The following CMTM4 variants were observed in gnomAD, a reference collection of about 807,000 sequenced individuals.
CMTM4 encodes CKLF-like MARVEL transmembrane domain-containing protein 4.
CMTM4 carries 8 observed loss-of-function variants against 19.0 expected under a neutral mutation model. The ratio of observed to expected loss-of-function variants is 0.42; its 90% CI spans 0.25 to 0.76. The LOEUF is 0.76. CMTM4 is among the 30% of genes least tolerant of loss of function. CMTM4 has a pLI of 0.27. For missense variants in CMTM4, 228 were observed against 290.2 expected (o/e 0.79, Z 1.56); for synonymous variants, 106 against 121.1 (o/e 0.88, Z 0.82).
At chr16:66,638,130 C>A (rs944304353) in intron 1 of CMTM4, among the ~76,000 whole-genome samples, 1 of 152,200 alleles carries the variant, frequency 6.6e-6, no homozygotes, top group African/African-American at 2.4e-5. Flanking sequence ...GCTTATCCCA[C>A]CCTCTCCCAG....
chr16:66,619,984 C>A lies in CMTM4; in HGVS notation c.*2074G>T, dbSNP rs1432473840. 6 of 985,420 alleles carry A rather than the reference C, an allele frequency of 6.1e-6. No individual in the cohort carries two copies. Among genetic ancestry groups the A allele is most frequent in the Non-Finnish European group, 7.2e-6 (6 of 829,938 alleles). The allele number at this position is 985,420 out of a possible 1,614,324, so 61.0% of individuals were successfully genotyped here. A position where few individuals can be genotyped will look rare whatever the true frequency, so the allele number is the denominator to read the frequency against. Reference sequence around the variant, plus strand: ...GACAACATATCCTCAGGAGGCCAACCACCTGCCCCCCTCTTTCACCAGATG... The same window carrying A: ...GACAACATATCCTCAGGAGGCCAACAACCTGCCCCCCTCTTTCACCAGATG... On this transcript the variant is annotated 3_prime_UTR_variant, in exon 4 of 4. Transcript: ENST00000394106.
At chr16:66,668,065 G>A (rs775113216) in intron 1 of CMTM4, among the ~76,000 whole-genome samples, 2 of 151,918 alleles carry the variant, frequency 1.3e-5, no homozygotes, top group Non-Finnish European at 2.9e-5. Context: ...TACAGTGGCA[G>A]AATTATTGCT....
At chr16:66,673,889 G>T (rs955760961) in intron 1 of CMTM4, among the ~76,000 whole-genome samples, 2 of 152,192 alleles carry the variant, frequency 1.3e-5, no homozygotes, top group African/African-American at 4.8e-5. Context: ...CCAGTCCTTG[G>T]TTATCTGAGA....
chr16:66,621,194 C>T lies in CMTM4; in HGVS notation c.*864G>A. On this transcript the variant is annotated 3_prime_UTR_variant, in exon 4 of 4. Transcript: ENST00000394106. ...CACGCGTGTGCATGCTGTTTTTTAA[C>T]ACAAACACCTCCCACCTGCGGTTCA... The T allele has an allele frequency of 1.0e-6, 1 of 984,784 alleles. No individual in the cohort carries two copies. The highest frequency in any genetic ancestry group is 4.7e-5 in the South Asian group (1 of 21,152). The allele number at this position is 984,784 out of a possible 1,614,324, so 61.0% of individuals were successfully genotyped here. A position where few individuals can be genotyped will look rare whatever the true frequency, so the allele number is the denominator to read the frequency against.
chr16:66,609,747 C>T, the CMTM4 span: 33 of 1,580,806 alleles, frequency 2.1e-5, no homozygotes, highest in South Asian at 3.4e-5. The surrounding 1 kb of genome is among the most constrained non-coding windows in gnomAD (Gnocchi z 4.4). Context: ...TTCCCACTTC[C>T]GTTACTCACA....
chr16:66,623,347 G>T, intron 3 of CMTM4, 57 bp downstream of exon 3: 2 of 1,286,520 alleles, frequency 1.6e-6, no homozygotes, highest in South Asian at 2.5e-5. Context: ...AGGGACAGGC[G>T]AGCAGGTCAC....
At chr16:66,604,784 C>G in the CMTM4 span, 3 of 1,242,892 alleles carry the variant, frequency 2.4e-6, no homozygotes, top group Non-Finnish European at 3.0e-6. Context: ...GGCCGAGCCC[C>G]GGCCCTACCG....
chr16:66,651,696 ACT>A (rs1448451791), intron 1 of CMTM4, among the ~76,000 whole-genome samples: 1 of 152,140 alleles, frequency 6.6e-6, no homozygotes, highest in Non-Finnish European at 1.5e-5. Flanking sequence ...CAGTGCTGAG[ACT>A]CTGACAAAGC....
chr16:66,690,780 G>T (rs2017120133), intron 1 of CMTM4, among the ~76,000 whole-genome samples: 1 of 152,140 alleles, frequency 6.6e-6, no homozygotes. Flanking sequence ...GAGATTAAGA[G>T]ACATCAAAAT....
intron 1 of CMTM4, among the ~76,000 whole-genome samples, chr16:66,648,660 A>G (rs553563971): frequency 6.7e-6 from 1 of 149,870 alleles, no homozygotes; most frequent in South Asian, 2.1e-4. Flanking sequence ...CTCCGTCTCA[A>G]AAAAAAAAAG....
At chr16:66,656,228 T>C (rs1442538661) in intron 1 of CMTM4, among the ~76,000 whole-genome samples, 1 of 152,310 alleles carries the variant, frequency 6.6e-6, no homozygotes, top group Non-Finnish European at 1.5e-5. Context: ...TTTCCTACAG[T>C]TGAAAATCCA....
intron 2 of CMTM4, among the ~76,000 whole-genome samples, chr16:66,624,811 A>C (rs1217234475): frequency 6.6e-6 from 1 of 152,212 alleles, no homozygotes; most frequent in Non-Finnish European, 1.5e-5. Context: ...TGCTGGCATC[A>C]TAACAGTGCT....
intron 1 of CMTM4, among the ~76,000 whole-genome samples, chr16:66,650,850 G>A (rs909375083): frequency 6.6e-6 from 1 of 152,096 alleles, no homozygotes; most frequent in Non-Finnish European, 1.5e-5. Context: ...ACCCAGCAGG[G>A]GAGCAACTAT....
chr16:66,608,449 G>C, the CMTM4 span: 1 of 1,614,028 alleles, frequency 6.2e-7, no homozygotes, highest in Non-Finnish European at 8.5e-7. This position sits in a 1 kb window ranked among gnomAD's most constrained non-coding sequence, Gnocchi z 5.1. Context: ...GGCAGGGCTT[G>C]TGCTGGCCCA....
intron 1 of CMTM4, among the ~76,000 whole-genome samples, chr16:66,641,244 G>C (rs1317849723): frequency 1.3e-5 from 2 of 152,144 alleles, no homozygotes; most frequent in African/African-American, 4.8e-5. Flanking sequence ...GTCTCACACA[G>C]GCTGGTCTCA....
At chr16:66,691,880 A>C (rs963696684) in intron 1 of CMTM4, among the ~76,000 whole-genome samples, 6 of 152,240 alleles carry the variant, frequency 3.9e-5, no homozygotes, top group African/African-American at 1.4e-4. Context: ...ATTTTCACAC[A>C]GTTTCTTTAG....
chr16:66,613,533 AT>A, downstream of CMTM4: 1 of 181,738 alleles, frequency 5.5e-6, no homozygotes, highest in South Asian at 1.6e-4. Flanking sequence ...TCACCTAACG[AT>A]TTATACTGTG....
chr16:66,628,319 C>T (rs2015784924), intron 2 of CMTM4, among the ~76,000 whole-genome samples: 1 of 152,194 alleles, frequency 6.6e-6, no homozygotes. Flanking sequence ...GGGTGTCGGG[C>T]TGGGGGACGG....
At chr16:66,602,506 A>G in the CMTM4 span, among the ~76,000 whole-genome samples, 1 of 152,204 alleles carries the variant, frequency 6.6e-6, no homozygotes, top group Non-Finnish European at 1.5e-5. Context: ...GCCACAAGCT[A>G]TCCCAAGGAG....
Sources: gnomAD v4.1 joint callset for allele counts (sites outside exome capture counted in the v4.1 genomes callset) on GRCh38, gnomAD v4.1.1 for gene constraint, Gnocchi (gnomAD v3.1) non-coding constraint, MANE v1.5 for transcripts, NCBI Gene and HGNC (gene_info 2026-07-23, HGNC 2026-07-21) for gene names.